NKAIN2: variants seen among roughly 807,000 people sequenced by gnomAD.
The protein encoded by NKAIN2 is sodium/potassium-transporting ATPase subunit beta-1-interacting protein 2.
Under a neutral mutation model 32.6 loss-of-function variants are expected in NKAIN2, and 14 were observed. The ratio of observed to expected loss-of-function variants is 0.43; its 90% CI spans 0.28 to 0.67. The LOEUF (loss-of-function observed/expected upper bound fraction) is 0.67, where lower values mean the gene tolerates loss of function less well. NKAIN2 is among the 30% of genes least tolerant of loss of function. NKAIN2 has a pLI of 0.17. For synonymous variants in NKAIN2, 80 were observed against 87.2 expected (o/e 0.92, Z 0.46); for missense variants, 198 against 258.3 (o/e 0.77, Z 1.60).
intron 4 of NKAIN2, chr6:124,658,981 C>G (rs1467265879): frequency 6.7e-6 from 1 of 149,122 alleles, no homozygotes; most frequent in African/African-American, 2.5e-5. Flanking sequence ...AAACCTCCTT[C>G]TACCAGGAGG....
intron 1 of NKAIN2, among the ~76,000 whole-genome samples, chr6:124,273,166 A>G (rs1320616840): frequency 6.6e-6 from 1 of 152,092 alleles, no homozygotes; most frequent in Non-Finnish European, 1.5e-5. Context: ...GATTTGGAAG[A>G]GGTGGAATGA....
intron 1 of NKAIN2, among the ~76,000 whole-genome samples, chr6:124,278,423 T>C (rs1582976671): frequency 2.0e-5 from 3 of 151,950 alleles, no homozygotes; most frequent in South Asian, 2.1e-4. Flanking sequence ...TTTATTGTCA[T>C]GGAAAGTAAG....
At chr6:123,910,893 C>G (rs1034047560) in intron 1 of NKAIN2, among the ~76,000 whole-genome samples, 1 of 151,918 alleles carries the variant, frequency 6.6e-6, no homozygotes, top group Non-Finnish European at 1.5e-5. Flanking sequence ...TTAGATTGAG[C>G]CTTTATTTTT....
At chr6:124,182,825 G>A (rs990253081) in intron 1 of NKAIN2, among the ~76,000 whole-genome samples, 1 of 152,102 alleles carries the variant, frequency 6.6e-6, no homozygotes, top group Non-Finnish European at 1.5e-5. Context: ...TTGGGAAAAT[G>A]TAGCTCAGAC....
intron 1 of NKAIN2, among the ~76,000 whole-genome samples, chr6:123,892,157 T>C (rs986025445): frequency 3.9e-5 from 6 of 152,178 alleles, no homozygotes; most frequent in African/African-American, 1.4e-4. Context: ...CCATTACACC[T>C]GAACACAGGC....
intron 3 of NKAIN2, among the ~76,000 whole-genome samples, chr6:124,477,682 T>A (rs1259887697): frequency 1.2e-5 from 1 of 86,732 alleles, no homozygotes; most frequent in Non-Finnish European, 2.2e-5. Context: ...TCCTTTCCCC[T>A]CCCCTCTCCC....
chr6:124,687,262 T>TATATA (rs1773952222), intron 4 of NKAIN2, among the ~76,000 whole-genome samples: 2 of 141,250 alleles, frequency 1.4e-5, no homozygotes, highest in Non-Finnish European at 3.0e-5. Context: ...CCTATATATA[T>TATATA]TCTCTCTATA....
At chr6:124,011,867 CCTCCATGTTTT>C (rs1780347320) in intron 1 of NKAIN2, among the ~76,000 whole-genome samples, 1 of 152,118 alleles carries the variant, frequency 6.6e-6, no homozygotes, top group East Asian at 1.9e-4. Flanking sequence ...AGGGGATAGT[CCTCCATGTTTT>C]TGATCAGTTC....
At chr6:124,732,339 G>A (rs184484432) in intron 4 of NKAIN2, among the ~76,000 whole-genome samples, 1 of 152,094 alleles carries the variant, frequency 6.6e-6, no homozygotes, top group Admixed American at 6.6e-5. Context: ...GGAAGCTGAG[G>A]AATAGGACAG....
chr6:124,357,775 T>A (rs1799056967), intron 3 of NKAIN2, among the ~76,000 whole-genome samples: 1 of 151,916 alleles, frequency 6.6e-6, no homozygotes, highest in African/African-American at 2.4e-5. Context: ...TTTAGAACTT[T>A]TCTTTTTTTT....
chr6:123,980,649 A>G (rs1778846214), intron 1 of NKAIN2, among the ~76,000 whole-genome samples: 1 of 152,196 alleles, frequency 6.6e-6, no homozygotes, highest in Non-Finnish European at 1.5e-5. Context: ...TCCAAACAAG[A>G]TTTGAATACT....
At chr6:124,104,348 G>C (rs546528338) in intron 1 of NKAIN2, among the ~76,000 whole-genome samples, 1 of 152,124 alleles carries the variant, frequency 6.6e-6, no homozygotes, top group East Asian at 1.9e-4. Context: ...TGTTTGTGTT[G>C]CTGAGGTGGT....
At chr6:124,048,645 A>T (rs906741400) in intron 1 of NKAIN2, among the ~76,000 whole-genome samples, 1 of 152,098 alleles carries the variant, frequency 6.6e-6, no homozygotes, top group African/African-American at 2.4e-5. Context: ...AATGTGCAAG[A>T]GACTAAAATG....
At chr6:123,900,933 A>G (rs1455915120) in intron 1 of NKAIN2, among the ~76,000 whole-genome samples, 1 of 152,070 alleles carries the variant, frequency 6.6e-6, no homozygotes, top group African/African-American at 2.4e-5. Flanking sequence ...TTACTTTTGC[A>G]TTTGATTTAA....
chr6:124,396,683 T>G (rs61163357), intron 3 of NKAIN2, among the ~76,000 whole-genome samples: 6,206 of 152,124 alleles, frequency 0.041, 403 homozygotes, highest in African/African-American at 0.14. Flanking sequence ...AGAATGTGTA[T>G]AGATGGAAAG....
intron 1 of NKAIN2, among the ~76,000 whole-genome samples, chr6:124,002,101 C>G (rs994467478): frequency 6.6e-6 from 1 of 151,926 alleles, no homozygotes; most frequent in African/African-American, 2.4e-5. Context: ...ATTTGGCTTT[C>G]AATAAAAATG....
intron 3 of NKAIN2, among the ~76,000 whole-genome samples, chr6:124,508,304 G>C (rs1478596859): frequency 6.6e-6 from 1 of 151,496 alleles, no homozygotes; most frequent in Non-Finnish European, 1.5e-5. Context: ...CACTCAATTA[G>C]TCAGAGAAAA....
In NKAIN2 at chr6:124,791,793, C is replaced by T. The variant is rs539964080; in HGVS notation, c.535+394C>T. Among the ~76,000 whole-genome samples, 5 of 152,148 alleles carry T rather than the reference C, an allele frequency of 3.3e-5. No individual in the cohort carries two copies. The South Asian group carries it at 1.0e-3, about 32-fold the overall frequency. On this transcript the variant is annotated intron_variant, in intron 5 of 6. Coordinates refer to ENST00000368417, the MANE Select transcript of NKAIN2 (RefSeq NM_001040214.3). Reference sequence around the variant, plus strand: ...CAGTTTTACCCAAGACTACAAATCCCCAAAATCAACAATTTGTAATAGTTG... The same window carrying T: ...CAGTTTTACCCAAGACTACAAATCCTCAAAATCAACAATTTGTAATAGTTG...
chr6:123,913,214 G>A (rs1387907), intron 1 of NKAIN2, among the ~76,000 whole-genome samples: 42,739 of 152,022 alleles, frequency 0.28, 7,040 homozygotes, highest in East Asian at 0.51. Context: ...TTGGGAAAGG[G>A]ATACATTTTT....
Sources: allele counts gnomAD v4.1 joint callset (sites outside exome capture counted in the v4.1 genomes callset), GRCh38; gene constraint gnomAD v4.1.1; transcripts MANE v1.5; gene names NCBI Gene and HGNC (gene_info 2026-07-23, HGNC 2026-07-21).